The following ORC5 variants were observed in gnomAD, a reference collection of about 807,000 sequenced individuals.
ORC5 encodes protein phosphatase 1, regulatory subunit 117.
ORC5 carries 39 observed loss-of-function variants against 58.8 expected under a neutral mutation model. That is an observed-to-expected ratio of 0.66 (90% confidence interval 0.51 to 0.87). The LOEUF (loss-of-function observed/expected upper bound fraction) is 0.87. Ranked by LOEUF, ORC5 falls within the 40% of genes least tolerant of loss-of-function variation. The probability of loss-of-function intolerance (pLI) is 0.00; values close to 1 mark genes in which losing one functional copy is unlikely to be tolerated. For missense variants in ORC5, 493 were observed against 506.3 expected (o/e 0.97, Z 0.25); for synonymous variants, 218 against 177.6 (o/e 1.23, Z -1.81).
chr7:104,198,586 T>A (rs192384009), intron 3 of ORC5, among the ~76,000 whole-genome samples: 13 of 152,350 alleles, frequency 8.5e-5, no homozygotes, highest in Non-Finnish European at 1.8e-4. Context: ...TTCAGTCATA[T>A]GCATTCACAA....
At chr7:104,191,348 T>G (rs1208218105) in intron 5 of ORC5, among the ~76,000 whole-genome samples, 1 of 151,982 alleles carries the variant, frequency 6.6e-6, no homozygotes, top group Non-Finnish European at 1.5e-5. Flanking sequence ...AAGGAAGAGA[T>G]AAATGATCAC....
At chr7:104,186,366 T>C (rs1201250147) in intron 6 of ORC5, among the ~76,000 whole-genome samples, 7 of 152,286 alleles carry the variant, frequency 4.6e-5, no homozygotes, top group Admixed American at 1.3e-4. Context: ...TTGATATATA[T>C]GGGACTGGTC....
intron 8 of ORC5, among the ~76,000 whole-genome samples, chr7:104,183,005 C>T (rs1028509970): frequency 1.3e-5 from 2 of 152,010 alleles, no homozygotes; most frequent in Non-Finnish European, 1.5e-5. Flanking sequence ...CATGGTGGTG[C>T]GTGCCTGTAA....
intron 12 of ORC5, among the ~76,000 whole-genome samples, chr7:104,137,642 C>T (rs574827994): frequency 2.0e-5 from 3 of 152,136 alleles, no homozygotes; most frequent in South Asian, 2.1e-4. Flanking sequence ...AACAAGCAAG[C>T]GGCTGGACAT....
At chr7:104,181,830 T>G (rs887626638) in intron 8 of ORC5, among the ~76,000 whole-genome samples, 1 of 150,570 alleles carries the variant, frequency 6.6e-6, no homozygotes, top group Non-Finnish European at 1.5e-5. Context: ...CAGAATTGCC[T>G]GGTTTCAAGG....
At position 104,161,135 on chromosome 7, in the gene ORC5, T is replaced by C; in HGVS notation, c.1086A>G (p.Leu362=). 1.2e-6 allele frequency: 2 copies of C among 1,611,456 alleles called. No homozygotes were observed. The highest frequency in any genetic ancestry group is 1.7e-6 in the Non-Finnish European group (2 of 1,177,812). The change falls in exon 12 of 14, where the codon TTA becomes TTG. Residue 362 remains leucine (L), a synonymous_variant. Coordinates refer to ENST00000297431, the MANE Select transcript of ORC5 (RefSeq NM_002553.4). ...LGPKPFPLDR[L]LAILYSIVDS... ...CCACGATACTATATAATATTGCTAA[T>C]AATCTGTCTAGTGGAAATGGTTTTG...
chr7:104,173,838 A>ATTTTTTTTTTTTTTTTTTTTT (rs746698932), intron 8 of ORC5, among the ~76,000 whole-genome samples: 1 of 122,756 alleles, frequency 8.1e-6, no homozygotes, highest in Non-Finnish European at 1.8e-5. Context: ...TGGGTTTAAA[A>ATTTTTTTTTTTTTTTTTTTTT]TTTTTTCTTT....
chr7:104,188,013 G>A, intron 6 of ORC5: 1 of 1,095,970 alleles, frequency 9.1e-7, no homozygotes, highest in Non-Finnish European at 1.1e-6. Flanking sequence ...ATCTGAGAAT[G>A]ACATTTTTCT....
At position 104,136,582 on chromosome 7, in the gene ORC5, C is replaced by T. The variant is rs570359311; in HGVS notation, c.1262+199G>A. 2.0e-5 allele frequency among the ~76,000 whole-genome samples: 3 copies of T among 152,210 alleles called. No homozygotes were observed. The South Asian group carries it at 6.2e-4, about 32-fold the overall frequency. On this transcript the variant is annotated intron_variant, in intron 13 of 13. Transcript: ENST00000297431. This position sits in a 1 kb window ranked among gnomAD's most constrained non-coding sequence, Gnocchi z 4.2. ...GGTTTTTCAGAATCTTGATTTTTGT[C>T]CTCTAACATATTAGCTATTTCTCCC...
At chr7:104,132,964 T>C (rs975700846) in intron 13 of ORC5, among the ~76,000 whole-genome samples, 1 of 152,044 alleles carries the variant, frequency 6.6e-6, no homozygotes, top group African/African-American at 2.4e-5. Flanking sequence ...GAAAATGCTG[T>C]ATATACAAGC....
At chr7:104,190,870 C>T (rs533346167) in intron 5 of ORC5, among the ~76,000 whole-genome samples, 2 of 151,658 alleles carry the variant, frequency 1.3e-5, no homozygotes, top group Non-Finnish European at 1.5e-5. Flanking sequence ...GGCCATTTAC[C>T]ATTGGCCCTT....
intron 8 of ORC5, 105 bp from the exon 9 acceptor site, chr7:104,168,630 AAACAG>A (rs758033281): frequency 1.2e-5 from 7 of 570,202 alleles, no homozygotes; most frequent in Middle Eastern, 3.6e-4. Flanking sequence ...TTTATTAACA[AAACAG>A]AAAAGAAAAA....
intron 12 of ORC5, among the ~76,000 whole-genome samples, chr7:104,149,634 A>G (rs140277144): frequency 0.017 from 2,634 of 152,300 alleles, 27 homozygotes; most frequent in Non-Finnish European, 0.024. Flanking sequence ...CTCAAAATAA[A>G]AATTGTTATT....
chr7:104,181,455 A>G (rs564708282), intron 8 of ORC5, among the ~76,000 whole-genome samples: 2 of 152,186 alleles, frequency 1.3e-5, no homozygotes, highest in South Asian at 2.1e-4. Flanking sequence ...AACACTGGTT[A>G]TATTACCAAG....
rs758217234 is a variant in ORC5 at position 104,166,850 on chromosome 7, AT to A, written c.911del (p.Tyr304PhefsTer7). On this transcript the variant is annotated frameshift_variant, in exon 10 of 14. Coordinates refer to ENST00000297431, the MANE Select transcript of ORC5 (RefSeq NM_002553.4). LOFTEE classifies it high-confidence loss of function. ...LSAHTHVELP[Y>X]YSKFILIAAY... ...CAGCAATTAGAATGAACTTAGAGTAATATGGAAGTTCCACATGAGTATGCGC... is the reference window on the plus strand; with the variant it reads ...CAGCAATTAGAATGAACTTAGAGTAAATGGAAGTTCCACATGAGTATGCGC... 6.2e-7 allele frequency: 1 copy of A among 1,611,398 alleles called. No individual in the cohort carries two copies. Among genetic ancestry groups the A allele is most frequent in the Admixed American group, 1.7e-5 (1 of 59,986 alleles).
At chr7:104,151,097 G>C (rs1003293640) in intron 12 of ORC5, among the ~76,000 whole-genome samples, 3 of 152,024 alleles carry the variant, frequency 2.0e-5, no homozygotes, top group African/African-American at 7.2e-5. Flanking sequence ...TATTGTGAAT[G>C]GTATATATGG....
At chr7:104,128,607 C>T (rs1157407324) in intron 13 of ORC5, among the ~76,000 whole-genome samples, 1 of 151,164 alleles carries the variant, frequency 6.6e-6, no homozygotes, top group African/African-American at 2.4e-5. Flanking sequence ...ATGTGCCATG[C>T]TGGTGTGCTG....
chr7:104,195,094 A>T (rs1221509008), intron 5 of ORC5, 49 bp downstream of exon 5: 1 of 942,482 alleles, frequency 1.1e-6, no homozygotes, highest in African/African-American at 1.7e-5. Flanking sequence ...CAAACAACAA[A>T]AACTATTCTC....
chr7:104,163,952 C>T (rs948902370), intron 11 of ORC5, among the ~76,000 whole-genome samples: 4 of 152,178 alleles, frequency 2.6e-5, no homozygotes, highest in African/African-American at 9.7e-5. Context: ...TTAGTTTTGT[C>T]AAACCAAGAG....
Sources: gnomAD v4.1 joint callset for allele counts (sites outside exome capture counted in the v4.1 genomes callset) on GRCh38, gnomAD v4.1.1 for gene constraint, Gnocchi (gnomAD v3.1) non-coding constraint, MANE v1.5 for transcripts, NCBI Gene and HGNC (gene_info 2026-07-23, HGNC 2026-07-21) for gene names.